Variants in NRG1 observed in about 807,000 individuals in gnomAD.
NRG1 encodes neuregulin 1.
Under a neutral mutation model 63.8 loss-of-function variants are expected in NRG1, and 18 were observed. The observed-to-expected ratio is 0.28, with a 90% CI of 0.19 to 0.42. NRG1 has a LOEUF of 0.42. Ranked by LOEUF, NRG1 falls within the 10% of genes least tolerant of loss-of-function variation. The pLI, the probability that NRG1 is intolerant of heterozygous loss-of-function variation, is 1.00. For missense variants in NRG1, 762 were observed against 814.7 expected (o/e 0.94, Z 0.79); for synonymous variants, 302 against 301.3 (o/e 1.00, Z -0.02).
At chr8:32,388,558 C>T (rs1811312115) in intron 1 of NRG1, among the ~76,000 whole-genome samples, 1 of 152,066 alleles carries the variant, frequency 6.6e-6, no homozygotes, top group Non-Finnish European at 1.5e-5. Flanking sequence ...CCGCCTCAGG[C>T]TCTGGGAAGG....
chr8:32,222,477 C>CAGAA (rs1420875639), intron 1 of NRG1, among the ~76,000 whole-genome samples: 1 of 151,820 alleles, frequency 6.6e-6, no homozygotes, highest in South Asian at 2.1e-4. Flanking sequence ...CCCCTAGAAA[C>CAGAA]AGAAAGAAAG....
At chr8:32,505,551 T>G (rs901827417) in intron 1 of NRG1, among the ~76,000 whole-genome samples, 1 of 152,202 alleles carries the variant, frequency 6.6e-6, no homozygotes, top group Non-Finnish European at 1.5e-5. Flanking sequence ...GACCAAGAGT[T>G]GTCCCCAGAG....
chr8:31,769,746 G>T (rs1818430213), intron 1 of NRG1, among the ~76,000 whole-genome samples: 1 of 152,112 alleles, frequency 6.6e-6, no homozygotes, highest in Non-Finnish European at 1.5e-5. Flanking sequence ...TGAGAGTGGG[G>T]ATTATCAGTA....
At chr8:32,366,711 A>ATATC (rs1554519457) in intron 1 of NRG1, among the ~76,000 whole-genome samples, 15 of 81,734 alleles carry the variant, frequency 1.8e-4, no homozygotes, top group African/African-American at 6.6e-4. Flanking sequence ...ATATATATAT[A>ATATC]TATCTCACTT....
At chr8:32,238,056 AAAAAT>A (rs1318478970) in intron 1 of NRG1, among the ~76,000 whole-genome samples, 1 of 152,184 alleles carries the variant, frequency 6.6e-6, no homozygotes, top group Non-Finnish European at 1.5e-5. Context: ...TTCAGTTTGA[AAAAAT>A]AAAGCTTTCT....
intron 1 of NRG1, among the ~76,000 whole-genome samples, chr8:32,266,877 TA>T (rs1241331935): frequency 0.29 from 13,142 of 45,280 alleles, 765 homozygotes; most frequent in Non-Finnish European, 0.34. Context: ...CTACTAAAAA[TA>T]CAAAAAAAAA....
chr8:31,751,315 T>G (rs961992224), intron 1 of NRG1, among the ~76,000 whole-genome samples: 8 of 151,962 alleles, frequency 5.3e-5, no homozygotes, highest in African/African-American at 1.9e-4. Context: ...GAAGGTTTCA[T>G]TAAATAAATG....
intron 1 of NRG1, among the ~76,000 whole-genome samples, chr8:32,400,297 A>T (rs560656076): frequency 4.0e-4 from 61 of 152,342 alleles, no homozygotes; most frequent in Admixed American, 1.4e-3. Context: ...CAGCCTGGCC[A>T]ACGTGGCAAA....
rs191756624 is a variant in NRG1 at position 32,141,876 on chromosome 8, G to T, written c.38-453952G>T. On this transcript the variant is annotated intron_variant, in intron 1 of 10. Transcript: ENST00000519301. Reference sequence around the variant, plus strand: ...TCCAGTTTGAAGATAAAGGATGTCTGCTTGCTTTCCATGCCTAATTTTCCT... The same window carrying T: ...TCCAGTTTGAAGATAAAGGATGTCTTCTTGCTTTCCATGCCTAATTTTCCT... 2.6e-5 allele frequency among the ~76,000 whole-genome samples: 4 copies of T among 151,932 alleles called. No individual in the cohort carries two copies. The East Asian group carries it at 7.8e-4, about 30-fold the overall frequency.
intron 1 of NRG1, among the ~76,000 whole-genome samples, chr8:31,883,140 C>T (rs552246690): frequency 2.2e-4 from 33 of 152,168 alleles, no homozygotes; most frequent in African/African-American, 7.5e-4. Context: ...ACAATTAGCA[C>T]AGCCATCTCA....
At chr8:32,322,360 T>TAC (rs149746564) in intron 1 of NRG1, among the ~76,000 whole-genome samples, 13,955 of 149,770 alleles carry the variant, frequency 0.093, 885 homozygotes, top group Middle Eastern at 0.18. Flanking sequence ...TTATTTTATA[T>TAC]ATATATATAT....
chr8:31,996,037 G>T (rs1250771379), intron 1 of NRG1, among the ~76,000 whole-genome samples: 1 of 150,736 alleles, frequency 6.6e-6, no homozygotes, highest in African/African-American at 2.4e-5. Context: ...CTTCTTTCAC[G>T]GTGCCCATTT....
chr8:31,856,619 A>T (rs1216682288), intron 1 of NRG1, among the ~76,000 whole-genome samples: 1 of 152,168 alleles, frequency 6.6e-6, no homozygotes, highest in Non-Finnish European at 1.5e-5. Context: ...CGCTCGTCAA[A>T]GTCATTCTCC....
intron 1 of NRG1, among the ~76,000 whole-genome samples, chr8:31,895,725 C>T (rs934048032): frequency 5.3e-5 from 8 of 152,166 alleles, no homozygotes; most frequent in South Asian, 2.1e-4. Context: ...TTCTCTTCCT[C>T]TCTGAGTCCC....
At chr8:32,403,240 C>T (rs1813464844) in intron 1 of NRG1, among the ~76,000 whole-genome samples, 1 of 142,858 alleles carries the variant, frequency 7.0e-6, no homozygotes, top group African/African-American at 2.6e-5. Context: ...AGAAAAGTTG[C>T]AGTGAGCCGA....
intron 1 of NRG1, among the ~76,000 whole-genome samples, chr8:32,555,230 C>T (rs1266034831): frequency 6.6e-6 from 1 of 152,160 alleles, no homozygotes; most frequent in Non-Finnish European, 1.5e-5. Flanking sequence ...CACTGAAGTG[C>T]ACATGGTACC....
At chr8:31,764,161 C>T (rs199911478) in intron 1 of NRG1, among the ~76,000 whole-genome samples, 1 of 152,088 alleles carries the variant, frequency 6.6e-6, no homozygotes, top group Non-Finnish European at 1.5e-5. Flanking sequence ...AATTCCTCCT[C>T]ATCTTGTTTT....
intron 1 of NRG1, among the ~76,000 whole-genome samples, chr8:32,339,784 T>A (rs1033098344): frequency 6.6e-6 from 1 of 152,218 alleles, no homozygotes; most frequent in African/African-American, 2.4e-5. Flanking sequence ...TCTCCAGAGT[T>A]TATCTTTCTG....
At chr8:32,079,148 T>TACACACAC (rs143380574) in intron 1 of NRG1, among the ~76,000 whole-genome samples, 3,215 of 145,810 alleles carry the variant, frequency 0.022, 39 homozygotes, top group South Asian at 0.035. Context: ...TAGAATGAAA[T>TACACACAC]ACACACACAC....
Sources: gnomAD v4.1 joint callset for allele counts (sites outside exome capture counted in the v4.1 genomes callset) on GRCh38, gnomAD v4.1.1 for gene constraint, MANE v1.5 for transcripts, NCBI Gene and HGNC (gene_info 2026-07-23, HGNC 2026-07-21) for gene names.